Variants in LINGO2 observed in about 807,000 individuals in gnomAD.
LINGO2 encodes leucine-rich repeat and immunoglobulin-like domain-containing nogo receptor-interacting protein 2.
LINGO2 carries 14 observed loss-of-function variants against 30.6 expected under a neutral mutation model. That is an observed-to-expected ratio of 0.46 (90% CI 0.30 to 0.72). LINGO2 has a LOEUF of 0.72. Ranked by LOEUF, LINGO2 falls within the 30% of genes least tolerant of loss-of-function variation. LINGO2 has a pLI of 0.07. For missense variants in LINGO2, 729 were observed against 751.7 expected (o/e 0.97, Z 0.35); for synonymous variants, 317 against 288.5 (o/e 1.10, Z -1.00).
intron 1 of LINGO2, among the ~76,000 whole-genome samples, chr9:28,534,794 C>A (rs186584742): frequency 6.6e-6 from 1 of 152,224 alleles, no homozygotes; most frequent in Admixed American, 6.5e-5. Flanking sequence ...ACTTGAATCT[C>A]AGCTGTAGTG....
the LINGO2 span, among the ~76,000 whole-genome samples, chr9:28,834,528 G>C: frequency 6.6e-6 from 1 of 152,044 alleles, no homozygotes; most frequent in Non-Finnish European, 1.5e-5. Flanking sequence ...ATAATTTTAA[G>C]CATTTTGAAG....
the LINGO2 span, among the ~76,000 whole-genome samples, chr9:28,881,701 T>C: frequency 3.3e-5 from 5 of 152,130 alleles, no homozygotes; most frequent in East Asian, 9.7e-4. Flanking sequence ...GTTACATAAG[T>C]AAACGTGTGT....
At chr9:28,319,758 T>C (rs1024603871) in intron 3 of LINGO2, among the ~76,000 whole-genome samples, 4 of 152,156 alleles carry the variant, frequency 2.6e-5, no homozygotes, top group African/African-American at 7.2e-5. Context: ...TTTTGGGTGA[T>C]AGAAATGTTT....
chr9:28,275,511 C>T (rs1290010796), intron 4 of LINGO2, among the ~76,000 whole-genome samples: 2 of 152,142 alleles, frequency 1.3e-5, no homozygotes, highest in African/African-American at 4.8e-5. Flanking sequence ...AACCTATATC[C>T]TTTCTACCTT....
At chr9:28,914,496 C>G in the LINGO2 span, among the ~76,000 whole-genome samples, 6 of 152,092 alleles carry the variant, frequency 3.9e-5, no homozygotes, top group African/African-American at 1.4e-4. Flanking sequence ...CCAAGAAAAT[C>G]TACAGATCAA....
intron 5 of LINGO2, among the ~76,000 whole-genome samples, chr9:27,957,689 G>A (rs571295068): frequency 6.6e-6 from 1 of 152,206 alleles, no homozygotes; most frequent in Non-Finnish European, 1.5e-5. Context: ...GGCTTTTCTA[G>A]ATCATTTGAA....
chr9:29,071,078 T>C, the LINGO2 span, among the ~76,000 whole-genome samples: 1 of 150,630 alleles, frequency 6.6e-6, no homozygotes, highest in African/African-American at 2.4e-5. Context: ...TATATCTAAA[T>C]ATATAATTGT....
At chr9:28,414,989 T>C (rs1390459194) in intron 2 of LINGO2, among the ~76,000 whole-genome samples, 1 of 152,062 alleles carries the variant, frequency 6.6e-6, no homozygotes, top group Non-Finnish European at 1.5e-5. Flanking sequence ...ATTTTGTGTC[T>C]AAAAGATAAC....
Position 28,187,970 on chromosome 9 carries a change from G to A in LINGO2, c.-87+107238C>T, listed in dbSNP as rs904314068. Among the ~76,000 whole-genome samples, 14 of 151,922 alleles carry A rather than the reference G, an allele frequency of 9.2e-5. No individual in the cohort carries two copies. The East Asian group carries it at 1.4e-3, about 15-fold the overall frequency. On this transcript the variant is annotated intron_variant, in intron 4 of 5. Transcript: ENST00000379992. Reference sequence around the variant, plus strand: ...TTCTTTATCTTTCTCCCTTGTTCTCGTCACCTCAGACATTTTCATAGCTCC... The same window carrying A: ...TTCTTTATCTTTCTCCCTTGTTCTCATCACCTCAGACATTTTCATAGCTCC...
At chr9:29,082,194 G>T in the LINGO2 span, among the ~76,000 whole-genome samples, 2 of 152,162 alleles carry the variant, frequency 1.3e-5, no homozygotes, top group African/African-American at 2.4e-5. Flanking sequence ...CAAGGCTACA[G>T]TAACCAAAAC....
the LINGO2 span, among the ~76,000 whole-genome samples, chr9:29,202,735 C>T: frequency 2.6e-5 from 4 of 152,106 alleles, no homozygotes; most frequent in South Asian, 6.2e-4. Flanking sequence ...ATGGAACCTT[C>T]GTTTTTGGGT....
the LINGO2 span, among the ~76,000 whole-genome samples, chr9:29,190,454 C>A: frequency 6.6e-6 from 1 of 152,018 alleles, no homozygotes; most frequent in African/African-American, 2.4e-5. Flanking sequence ...AAAAAGCTAA[C>A]AAATGTTTCA....
chr9:28,682,316 T>C, the LINGO2 span, among the ~76,000 whole-genome samples: 1 of 152,200 alleles, frequency 6.6e-6, no homozygotes, highest in East Asian at 1.9e-4. Flanking sequence ...TTCCTGAACC[T>C]GTTCCGCATT....
chr9:29,115,358 C>G, the LINGO2 span, among the ~76,000 whole-genome samples: 1 of 151,878 alleles, frequency 6.6e-6, no homozygotes, highest in Non-Finnish European at 1.5e-5. Flanking sequence ...AATGATCTTC[C>G]TACATTTTTT....
intron 4 of LINGO2, among the ~76,000 whole-genome samples, chr9:28,193,092 T>C (rs1366921252): frequency 2.6e-5 from 4 of 152,304 alleles, no homozygotes; most frequent in African/African-American, 9.6e-5. Context: ...GATGAAAAGA[T>C]AGATTACACT....
At chr9:27,948,669 A>ATGCC (rs976416127) in exon 6 of LINGO2, 15 of 701,678 alleles carry the variant, frequency 2.1e-5, no homozygotes, top group Admixed American at 1.7e-4. Context: ...GCTCTGACAC[A>ATGCC]TGCCTGCCTG....
chr9:28,835,109 T>C, the LINGO2 span, among the ~76,000 whole-genome samples: 2 of 152,186 alleles, frequency 1.3e-5, no homozygotes, highest in Admixed American at 6.5e-5. Context: ...GTGCTGAGAA[T>C]AGGCAGCAGA....
At chr9:28,511,558 C>A (rs1472856374) in intron 1 of LINGO2, among the ~76,000 whole-genome samples, 1 of 152,172 alleles carries the variant, frequency 6.6e-6, no homozygotes, top group Non-Finnish European at 1.5e-5. Flanking sequence ...ACAGGTCATC[C>A]TATCCAGTTG....
chr9:28,036,521 G>A (rs570500029), intron 4 of LINGO2, among the ~76,000 whole-genome samples: 2 of 152,150 alleles, frequency 1.3e-5, no homozygotes, highest in Non-Finnish European at 2.9e-5. Flanking sequence ...CTAGAAGGAA[G>A]AATTTTTAGT....
Sources: allele counts gnomAD v4.1 joint callset (sites outside exome capture counted in the v4.1 genomes callset), GRCh38; gene constraint gnomAD v4.1.1; transcripts MANE v1.5; gene names NCBI Gene and HGNC (gene_info 2026-07-23, HGNC 2026-07-21).